The following CTNNA3 variants were observed in gnomAD, a reference collection of about 807,000 sequenced individuals.
CTNNA3 encodes catenin alpha-3.
Under a neutral mutation model 95.7 loss-of-function variants are expected in CTNNA3, and 76 were observed. That is an observed-to-expected ratio of 0.79 (90% CI 0.66 to 0.96). CTNNA3 has a LOEUF of 0.96. Among genes scored for constraint, CTNNA3 ranks in the 40% least tolerant of loss-of-function variants. The probability of loss-of-function intolerance (pLI) is 0.00; values close to 1 mark genes in which losing one functional copy is unlikely to be tolerated. For synonymous variants in CTNNA3, 431 were observed against 374.4 expected, an observed-to-expected ratio of 1.15 and a Z score of -1.74; for missense variants, 1,191 against 1,089.8, an observed-to-expected ratio of 1.09 and a Z score of -1.31.
intron 9 of CTNNA3, among the ~76,000 whole-genome samples, chr10:66,648,240 A>G (rs895906034): frequency 6.6e-6 from 1 of 152,080 alleles, no homozygotes; most frequent in African/African-American, 2.4e-5. Flanking sequence ...TTCTGATTCC[A>G]CTGGTTTGGG....
chr10:67,569,270 G>A (rs77818850), intron 3 of CTNNA3, among the ~76,000 whole-genome samples: 28 of 152,236 alleles, frequency 1.8e-4, no homozygotes, highest in Non-Finnish European at 2.9e-4. Context: ...TGAGGTGTGC[G>A]GATGATTGGG....
At chr10:66,245,838 T>C (rs1165712001) in intron 13 of CTNNA3, among the ~76,000 whole-genome samples, 1 of 152,236 alleles carries the variant, frequency 6.6e-6, no homozygotes, top group Non-Finnish European at 1.5e-5. Context: ...TACTGACATC[T>C]CCCACTCTCA....
intron 16 of CTNNA3, among the ~76,000 whole-genome samples, chr10:65,986,244 T>G (rs1422981198): frequency 6.7e-6 from 1 of 150,022 alleles, no homozygotes; most frequent in African/African-American, 2.4e-5. Context: ...CTGTACCCCA[T>G]ACATATATAG....
chr10:67,578,857 C>A (rs969104678), intron 3 of CTNNA3, among the ~76,000 whole-genome samples: 5 of 151,730 alleles, frequency 3.3e-5, no homozygotes, highest in Non-Finnish European at 7.4e-5. Context: ...ACTGCATTTT[C>A]TCAAATACTT....
At chr10:66,813,864 G>A (rs1192292967) in intron 7 of CTNNA3, among the ~76,000 whole-genome samples, 1 of 151,908 alleles carries the variant, frequency 6.6e-6, no homozygotes, top group Non-Finnish European at 1.5e-5. Flanking sequence ...GTGTGTGTGT[G>A]TGTGTGTTTG....
intron 5 of CTNNA3, among the ~76,000 whole-genome samples, chr10:67,281,105 C>T (rs1368582233): frequency 4.0e-5 from 6 of 151,464 alleles, no homozygotes; most frequent in Non-Finnish European, 7.4e-5. Context: ...TCTCCTATTA[C>T]TGATTTTAGG....
At chr10:66,812,453 A>G (rs1841920325) in intron 7 of CTNNA3, among the ~76,000 whole-genome samples, 1 of 152,154 alleles carries the variant, frequency 6.6e-6, no homozygotes, top group African/African-American at 2.4e-5. Flanking sequence ...AGGCAACATA[A>G]TACAATGGTT....
intron 12 of CTNNA3, among the ~76,000 whole-genome samples, chr10:66,377,593 C>T (rs1184353092): frequency 6.6e-6 from 1 of 151,376 alleles, no homozygotes; most frequent in Non-Finnish European, 1.5e-5. Flanking sequence ...GAGACAGAGG[C>T]AAAATATTAG....
At chr10:67,122,514 G>C (rs1315252778) in intron 7 of CTNNA3, among the ~76,000 whole-genome samples, 3 of 152,118 alleles carry the variant, frequency 2.0e-5, no homozygotes, top group African/African-American at 7.2e-5. Context: ...GGGGGAAGAT[G>C]TGTCCATTTG....
chr10:66,419,424 A>G (rs1246184121), intron 11 of CTNNA3, among the ~76,000 whole-genome samples: 1 of 152,124 alleles, frequency 6.6e-6, no homozygotes, highest in Non-Finnish European at 1.5e-5. Context: ...TCCCATGTTC[A>G]TGGATCAGAA....
intron 12 of CTNNA3, among the ~76,000 whole-genome samples, chr10:66,326,990 G>T (rs2092261890): frequency 1.3e-5 from 2 of 152,072 alleles, no homozygotes; most frequent in African/African-American, 4.8e-5. Context: ...TAGTCAAACA[G>T]TTAGGCAGCT....
chr10:66,942,299 A>T (rs1848038567), intron 7 of CTNNA3, among the ~76,000 whole-genome samples: 1 of 152,226 alleles, frequency 6.6e-6, no homozygotes, highest in South Asian at 2.1e-4. Flanking sequence ...CTTGACGCTT[A>T]CCAATCATTA....
chr10:66,283,870 T>C (rs529543923), intron 12 of CTNNA3, among the ~76,000 whole-genome samples: 10 of 151,974 alleles, frequency 6.6e-5, no homozygotes, highest in African/African-American at 2.4e-4. Context: ...TATAAATAAG[T>C]AATCAGTTTA....
chr10:65,984,603 C>T (rs17820075), intron 16 of CTNNA3, among the ~76,000 whole-genome samples: 1 of 120,688 alleles, frequency 8.3e-6, no homozygotes, highest in African/African-American at 2.6e-5. Context: ...ATGCTAAAAA[C>T]AATGACATAA....
chr10:67,113,826 T>A (rs1379300361), intron 7 of CTNNA3, among the ~76,000 whole-genome samples: 1 of 152,206 alleles, frequency 6.6e-6, no homozygotes, highest in Non-Finnish European at 1.5e-5. Flanking sequence ...AATCATTTAA[T>A]GACAACCTAT....
chr10:65,996,975 C>A (rs1052299350), intron 15 of CTNNA3, among the ~76,000 whole-genome samples: 5 of 152,018 alleles, frequency 3.3e-5, no homozygotes, highest in African/African-American at 1.2e-4. Flanking sequence ...GAGTCCTGTT[C>A]CAATCTTTAT....
At chr10:67,575,365 G>A (rs1842108853) in intron 3 of CTNNA3, among the ~76,000 whole-genome samples, 1 of 134,348 alleles carries the variant, frequency 7.4e-6, no homozygotes, top group Admixed American at 7.3e-5. Flanking sequence ...TCTGGATTAG[G>A]CACACCATTT....
chr10:67,591,399 G>C (rs1175256631), intron 3 of CTNNA3, among the ~76,000 whole-genome samples: 2 of 151,950 alleles, frequency 1.3e-5, no homozygotes, highest in East Asian at 3.9e-4. Context: ...AAACCTACAA[G>C]AGAGCCATAT....
At chr10:66,663,107 T>C (rs779351968) in intron 9 of CTNNA3, among the ~76,000 whole-genome samples, 24 of 152,230 alleles carry the variant, frequency 1.6e-4, no homozygotes, top group Non-Finnish European at 3.4e-4. Context: ...CCTAGAGCTA[T>C]TATAATAAAG....
Sources: allele counts gnomAD v4.1 joint callset (sites outside exome capture counted in the v4.1 genomes callset), GRCh38; gene constraint gnomAD v4.1.1; transcripts MANE v1.5; gene names NCBI Gene and HGNC (gene_info 2026-07-23, HGNC 2026-07-21).